DYNC1H1: variants seen among roughly 807,000 people sequenced by gnomAD.
DYNC1H1 encodes dynein cytoplasmic 1 heavy chain 1, also known as cytoplasmic dynein 1 heavy chain 1.
DYNC1H1 carries 51 observed loss-of-function variants against 527.1 expected under a neutral mutation model. The observed-to-expected ratio is 0.10, with a 90% CI of 0.08 to 0.12. The LOEUF is 0.12. Among genes scored for constraint, DYNC1H1 ranks in the 10% least tolerant of loss-of-function variants. DYNC1H1 has a pLI of 1.00. For synonymous variants in DYNC1H1, 2,189 were observed against 2,278.8 expected (o/e 0.96, Z 1.12); for missense variants, 2,771 against 5,971.8 (o/e 0.46, Z 17.66).
At position 101,983,030 on chromosome 14, in the gene DYNC1H1, G is replaced by C; in HGVS notation, c.973G>C (p.Ala325Pro). The C allele has an allele frequency of 6.2e-7, 1 of 1,614,170 alleles. No homozygotes were observed. Among genetic ancestry groups the C allele is most frequent in the Non-Finnish European group, 8.5e-7 (1 of 1,180,036 alleles). The change falls in exon 6 of 78, where the codon GCT becomes CCT. Residue 325 changes from alanine to proline, a missense_variant. By Grantham distance (27) the Ala-to-Pro change is conservative. Coordinates refer to ENST00000360184, the MANE Select transcript of DYNC1H1 (RefSeq NM_001376.5). The surrounding 1 kb of genome is among the most constrained non-coding windows in gnomAD (Gnocchi z 5.3). Reference protein sequence around the residue: ...SFDTDTGLKQALETVNDYNPL... With the variant: ...SFDTDTGLKQPLETVNDYNPL... ...CTCTGTTAATATAGGTCTAAAACAG[G>C]CTTTGGAAACTGTGAATGACTACAA...
intron 2 of DYNC1H1, among the ~76,000 whole-genome samples, chr14:101,976,399 A>G (rs2047801262): frequency 6.6e-6 from 1 of 151,252 alleles, no homozygotes; most frequent in Non-Finnish European, 1.5e-5. Context: ...AAAATTAGCC[A>G]GGCGTGGTGG....
intron 28 of DYNC1H1, among the ~76,000 whole-genome samples, chr14:102,007,737 A>T (rs1169872950): frequency 6.6e-6 from 1 of 152,190 alleles, no homozygotes; most frequent in African/African-American, 2.4e-5. Flanking sequence ...GCCAGCACTG[A>T]GGCAGGTGGT....
intron 1 of DYNC1H1, among the ~76,000 whole-genome samples, chr14:101,968,091 T>C (rs934923546): frequency 6.6e-6 from 1 of 152,230 alleles, no homozygotes. Flanking sequence ...CATTTTTTAC[T>C]TCAAGGACCA....
intron 43 of DYNC1H1, 34 bp from the exon 44 acceptor site, chr14:102,026,540 C>CTAAG: frequency 6.2e-7 from 1 of 1,612,278 alleles, no homozygotes; most frequent in Non-Finnish European, 8.5e-7. Context: ...ACATTTTTTT[C>CTAAG]TAAGTAATTT....
intron 1 of DYNC1H1, among the ~76,000 whole-genome samples, chr14:101,970,366 GAC>G (rs1486968054): frequency 6.7e-6 from 1 of 150,002 alleles, no homozygotes; most frequent in African/African-American, 2.5e-5. Flanking sequence ...AAGCGCCAGA[GAC>G]AAGAAAGGGG....
In DYNC1H1 at chr14:102,039,323, C is replaced by T. The variant is rs115567541; in HGVS notation, c.11460+69C>T. 26 of 1,611,340 alleles carry T rather than the reference C, an allele frequency of 1.6e-5. No individual in the cohort carries two copies. In the African/African-American group the frequency reaches 2.3e-4, roughly 14 times the overall value. Reference sequence around the variant, plus strand: ...AGCTCCTTGGCCGCACAGAGGCTGGCGGGCCCTGCACAGTAGCTCCTTGGC... The same window carrying T: ...AGCTCCTTGGCCGCACAGAGGCTGGTGGGCCCTGCACAGTAGCTCCTTGGC... On this transcript the variant is annotated intron_variant, in intron 60 of 77. Coordinates refer to ENST00000360184, the MANE Select transcript of DYNC1H1 (RefSeq NM_001376.5). This position sits in a 1 kb window ranked among gnomAD's most constrained non-coding sequence, Gnocchi z 7.0.
intron 44 of DYNC1H1, 72 bp downstream of exon 44, chr14:102,026,779 C>T (rs773807839): frequency 8.2e-6 from 13 of 1,576,436 alleles, no homozygotes; most frequent in African/African-American, 1.3e-5. Context: ...TGCCGGGTCA[C>T]ACCAGGCCTC....
At position 102,038,715 on chromosome 14, in the gene DYNC1H1, T is replaced by C. The variant is rs2048607016; in HGVS notation, c.11073T>C (p.Asp3691=). 2 of 1,614,194 alleles carry C rather than the reference T, an allele frequency of 1.2e-6. No individual in the cohort carries two copies. The highest frequency in any genetic ancestry group is 1.7e-6 in the Non-Finnish European group (2 of 1,180,042). The change falls in exon 59 of 78, where the codon GAT becomes GAC. Residue 3691 remains aspartate (D), a synonymous_variant. Coordinates refer to ENST00000360184, the MANE Select transcript of DYNC1H1 (RefSeq NM_001376.5). The surrounding 1 kb of genome is among the most constrained non-coding windows in gnomAD (Gnocchi z 7.2). Reference sequence around the variant, plus strand: ...TTTGGCAGGTCGAGTTCCCACCAGATCTCTGTTCCCGGGTTACTTTTGTAA... The same window carrying C: ...TTTGGCAGGTCGAGTTCCCACCAGACCTCTGTTCCCGGGTTACTTTTGTAA... ...TRDPTVEFPP[D]LCSRVTFVNF...
chr14:102,009,528 T>G (rs1595613721), intron 29 of DYNC1H1: 1 of 340,372 alleles, frequency 2.9e-6, no homozygotes, highest in Non-Finnish European at 5.5e-6. Context: ...TTGCACAATT[T>G]GTTGGACTGC....
Position 102,047,949 on chromosome 14 carries a change from T to C in DYNC1H1, c.13139T>C (p.Leu4380Pro). Reference protein sequence around the residue: ...SDGRPAWMRTLHTTASNWLHL... With the variant: ...SDGRPAWMRTPHTTASNWLHL... ...GGGCGCCCTGCCTGGATGCGGACAC[T>C]GCACACCACCGCGTCCAACTGGCTG... The change falls in exon 73 of 78, where the codon CTG becomes CCG. Residue 4380 changes from leucine to proline, a missense_variant. Coordinates refer to ENST00000360184, the MANE Select transcript of DYNC1H1 (RefSeq NM_001376.5). The C allele has an allele frequency of 1.2e-6, 2 of 1,613,122 alleles. No homozygotes were observed. The highest frequency in any genetic ancestry group is 1.7e-6 in the Non-Finnish European group (2 of 1,180,000).
Position 102,041,004 on chromosome 14 carries a change from C to T in DYNC1H1, c.11941+331C>T. 2.4e-6 allele frequency: 1 copy of T among 421,390 alleles called. No individual in the cohort carries two copies. The highest frequency in any genetic ancestry group is 4.4e-6 in the Non-Finnish European group (1 of 224,946). 26.1% of individuals were successfully genotyped at this position (421,390 alleles called of 1,614,324 possible). A position where few individuals can be genotyped will look rare whatever the true frequency, so the allele number is the denominator to read the frequency against. ...CAAGATAAGTATTTCAATGTTAAAA[C>T]TTTTTAAGGAAACCACTTAGGGAGA... On this transcript the variant is annotated intron_variant, in intron 64 of 77. Coordinates refer to ENST00000360184, the MANE Select transcript of DYNC1H1 (RefSeq NM_001376.5). The surrounding 1 kb of genome is among the most constrained non-coding windows in gnomAD (Gnocchi z 4.5).
chr14:102,009,113 G>A (rs1022346554), intron 29 of DYNC1H1, among the ~76,000 whole-genome samples: 12 of 152,244 alleles, frequency 7.9e-5, no homozygotes, highest in Admixed American at 2.0e-4. Context: ...AGCAGCTGTC[G>A]GAGAGGCCCC....
chr14:101,986,622 C>G lies in DYNC1H1; in HGVS notation c.2397C>G (p.Asn799Lys). 6.2e-7 allele frequency: 1 copy of G among 1,612,900 alleles called. No individual in the cohort carries two copies. The highest frequency in any genetic ancestry group is 2.2e-5 in the East Asian group (1 of 44,860). Reference sequence around the variant, plus strand: ...CCTGCGAGAAGGTGGAGGAGCGGAACACCATTTCCCTTTTGGTGGCTGGCT... The same window carrying G: ...CCTGCGAGAAGGTGGAGGAGCGGAAGACCATTTCCCTTTTGGTGGCTGGCT... The part of the protein sequence containing the change: ...ERTCEKVEER[N>K]TISLLVAGLK... The change falls in exon 8 of 78, where the codon AAC becomes AAG. Residue 799 changes from asparagine to lysine, a missense_variant. By Grantham distance (94) the Asn-to-Lys change is moderately conservative (BLOSUM62 0). Transcript: ENST00000360184. The surrounding 1 kb of genome is among the most constrained non-coding windows in gnomAD (Gnocchi z 8.7).
Position 101,997,842 on chromosome 14 carries a change from A to G in DYNC1H1, c.3804+568A>G, listed in dbSNP as rs2048081519. ...AAAAGGACAAGAGCCTCCTACCTTC[A>G]TGGAATCACGCTCCGTGGGAGAGAG... is the stretch of plus-strand genomic sequence containing the variant. On this transcript the variant is annotated intron_variant, in intron 16 of 77. Coordinates refer to ENST00000360184, the MANE Select transcript of DYNC1H1 (RefSeq NM_001376.5). The surrounding 1 kb of genome is among the most constrained non-coding windows in gnomAD (Gnocchi z 4.8). 6.6e-6 allele frequency among the ~76,000 whole-genome samples: 1 copy of G among 152,212 alleles called. No homozygotes were observed. The highest frequency in any genetic ancestry group is 2.1e-4 in the South Asian group (1 of 4,830).
At chr14:101,995,427 C>G (rs543002792) in intron 15 of DYNC1H1, 127 bp downstream of exon 15, 2 of 1,176,778 alleles carry the variant, frequency 1.7e-6, no homozygotes, top group Non-Finnish European at 2.5e-6. Context: ...CTGGCTAACA[C>G]GGTGAAATGC....
At chr14:102,030,700 A>G (rs1348676216) in intron 51 of DYNC1H1, 1 of 260,442 alleles carries the variant, frequency 3.8e-6, no homozygotes, top group Non-Finnish European at 7.5e-6. Flanking sequence ...TAATTTAAGT[A>G]TTGATAGCAG....
intron 1 of DYNC1H1, among the ~76,000 whole-genome samples, chr14:101,971,085 CTTTTTTTTTTTTTTT>C (rs780745783): frequency 3.1e-5 from 2 of 64,080 alleles, no homozygotes; most frequent in Middle Eastern, 0.011. Flanking sequence ...CCGTATCATT[CTTTTTTTTTTTTTTT>C]TTTTTTTTTT....
At position 101,995,749 on chromosome 14, in the gene DYNC1H1, A is replaced by C. The variant is rs544464835; in HGVS notation, c.3564+449A>C. Among the ~76,000 whole-genome samples, 225 of 152,082 alleles carry C rather than the reference A, an allele frequency of 1.5e-3. 1 individual carries two copies. Among genetic ancestry groups the C allele is most frequent in the Non-Finnish European group, 2.0e-3 (139 of 67,978 alleles). On this transcript the variant is annotated intron_variant, in intron 15 of 77. Transcript: ENST00000360184. ...GCCCACAGATCATCTCTGTTACAAC[A>C]GCCTGATGTGCTTGTTAAAACTTAG...
chr14:102,048,348 G>A (rs1298129094), intron 73 of DYNC1H1, 168 bp from the exon 74 acceptor site: 2 of 974,518 alleles, frequency 2.1e-6, no homozygotes, highest in Admixed American at 4.3e-5. Context: ...AGCAGCCTCA[G>A]CTTCACACAA....
Sources: allele counts gnomAD v4.1 joint callset (sites outside exome capture counted in the v4.1 genomes callset), GRCh38; gene constraint gnomAD v4.1.1; non-coding constraint Gnocchi (gnomAD v3.1); transcripts MANE v1.5; gene names NCBI Gene and HGNC (gene_info 2026-07-23, HGNC 2026-07-21).